Variants in CADM2 observed in about 807,000 individuals in gnomAD.
CADM2 encodes the protein immunoglobulin superfamily member 4D.
A neutral mutation model predicts 49.8 loss-of-function variants in CADM2; 12 were observed. The ratio of observed to expected loss-of-function variants is 0.24; its 90% CI spans 0.15 to 0.39. The LOEUF (loss-of-function observed/expected upper bound fraction) is 0.39. CADM2 is among the 10% of genes least tolerant of loss of function. The probability of loss-of-function intolerance (pLI) is 1.00; values close to 1 mark genes in which losing one functional copy is unlikely to be tolerated. For synonymous variants in CADM2, 214 were observed against 175.4 expected (o/e 1.22, Z -1.74); for missense variants, 378 against 492.3 (o/e 0.77, Z 2.20).
At chr3:85,484,363 G>A (rs1210106541) in intron 1 of CADM2, among the ~76,000 whole-genome samples, 1 of 151,882 alleles carries the variant, frequency 6.6e-6, no homozygotes, top group Non-Finnish European at 1.5e-5. Flanking sequence ...AGGCACAATA[G>A]GCATGAATTT....
chr3:85,943,406 T>C (rs2108561705), intron 7 of CADM2, among the ~76,000 whole-genome samples: 1 of 146,194 alleles, frequency 6.8e-6, no homozygotes, highest in East Asian at 2.0e-4. Flanking sequence ...ATGAAGTCCT[T>C]GCCCATGCCT....
chr3:85,267,508 A>C (rs2043147751), intron 1 of CADM2, among the ~76,000 whole-genome samples: 1 of 151,676 alleles, frequency 6.6e-6, no homozygotes, highest in African/African-American at 2.4e-5. Context: ...ATATTTATTT[A>C]GTTTTGGTCT....
chr3:85,002,342 T>A (rs73843260), intron 1 of CADM2, among the ~76,000 whole-genome samples: 2,991 of 152,226 alleles, frequency 0.02, 96 homozygotes, highest in African/African-American at 0.068. Context: ...TGCTGTGCAC[T>A]GTCACATGCA....
chr3:85,070,740 T>A (rs2036700594), intron 1 of CADM2, among the ~76,000 whole-genome samples: 1 of 151,968 alleles, frequency 6.6e-6, no homozygotes, highest in Admixed American at 6.6e-5. Flanking sequence ...CGCCTGTAAT[T>A]ACAGCACTTT....
intron 5 of CADM2, among the ~76,000 whole-genome samples, chr3:85,894,716 A>C (rs1041675757): frequency 6.6e-6 from 1 of 152,132 alleles, no homozygotes; most frequent in African/African-American, 2.4e-5. Context: ...CAGCCTCTGG[A>C]CATGTTGCCT....
intron 8 of CADM2, among the ~76,000 whole-genome samples, chr3:86,040,450 A>G: frequency 6.6e-6 from 1 of 152,238 alleles, no homozygotes; most frequent in Non-Finnish European, 1.5e-5. Context: ...AAGCCTCAGT[A>G]GCTGATTCGA....
chr3:86,009,092 A>G (rs1731153906), intron 8 of CADM2, among the ~76,000 whole-genome samples: 1 of 145,368 alleles, frequency 6.9e-6, no homozygotes. Context: ...TTGGTGTTAT[A>G]GTGTGTGTGT....
chr3:86,065,856 C>A, intron 9 of CADM2, 126 bp downstream of exon 9: 1 of 886,260 alleles, frequency 1.1e-6, no homozygotes, highest in Non-Finnish European at 1.6e-6. Flanking sequence ...GAGAGAAATG[C>A]TAAATTATTT....
At chr3:85,554,437 C>A (rs903180501) in intron 1 of CADM2, among the ~76,000 whole-genome samples, 7 of 152,106 alleles carry the variant, frequency 4.6e-5, no homozygotes, top group Admixed American at 3.3e-4. Flanking sequence ...CTGTTCTAGG[C>A]GTTCTTGGAT....
chr3:85,813,312 T>C (rs2073001839), intron 3 of CADM2, among the ~76,000 whole-genome samples: 1 of 152,176 alleles, frequency 6.6e-6, no homozygotes, highest in African/African-American at 2.4e-5. Context: ...GATGATAAGC[T>C]TTTTTTCATG....
At chr3:85,280,514 G>A (rs989371327) in intron 1 of CADM2, among the ~76,000 whole-genome samples, 2 of 151,576 alleles carry the variant, frequency 1.3e-5, no homozygotes, top group Admixed American at 1.3e-4. Context: ...TGACTATAAT[G>A]TGCCTTCATG....
intron 1 of CADM2, among the ~76,000 whole-genome samples, chr3:85,416,764 C>T (rs1378387771): frequency 1.3e-5 from 2 of 152,138 alleles, no homozygotes; most frequent in Non-Finnish European, 2.9e-5. Context: ...TATGTATACA[C>T]ATATGTATGA....
intron 3 of CADM2, among the ~76,000 whole-genome samples, chr3:85,870,794 G>C (rs2075899093): frequency 6.6e-6 from 1 of 152,094 alleles, no homozygotes; most frequent in African/African-American, 2.4e-5. Flanking sequence ...TTGAATGATA[G>C]TTCTGTTTTT....
chr3:86,007,415 G>A (rs549372695), intron 8 of CADM2, among the ~76,000 whole-genome samples: 2 of 152,226 alleles, frequency 1.3e-5, no homozygotes, highest in Admixed American at 6.5e-5. Flanking sequence ...GTTGCTTTTA[G>A]CACATTCTAA....
chr3:85,320,328 T>C (rs571366809), intron 1 of CADM2, among the ~76,000 whole-genome samples: 102 of 152,312 alleles, frequency 6.7e-4, no homozygotes, highest in African/African-American at 1.6e-3. Context: ...AAGTTTTTGT[T>C]TTCTCTGTTT....
chr3:85,445,918 G>C (rs1484535833), intron 1 of CADM2, among the ~76,000 whole-genome samples: 1 of 152,048 alleles, frequency 6.6e-6, no homozygotes, highest in East Asian at 1.9e-4. Flanking sequence ...TACTTTATTA[G>C]ACTGTATTGC....
At chr3:85,754,341 C>T (rs2069002333) in intron 2 of CADM2, among the ~76,000 whole-genome samples, 2 of 152,218 alleles carry the variant, frequency 1.3e-5, no homozygotes, top group East Asian at 1.9e-4. Flanking sequence ...CTGACCATCA[C>T]CTGATGGTTG....
Position 85,417,925 on chromosome 3 carries a change from G to A in CADM2, c.62-308597G>A, listed in dbSNP as rs538923355. 4.6e-5 allele frequency among the ~76,000 whole-genome samples: 7 copies of A among 152,196 alleles called. No individual in the cohort carries two copies. The South Asian group carries it at 1.5e-3, about 32-fold the overall frequency. On this transcript the variant is annotated intron_variant, in intron 1 of 9. Transcript: ENST00000383699. ...ATCTGAGATGCTGCAATTTTGACAAGCTTCTAGGAAGTATAAGTATCAATG... is the reference window on the plus strand; with the variant it reads ...ATCTGAGATGCTGCAATTTTGACAAACTTCTAGGAAGTATAAGTATCAATG...
At chr3:86,033,671 GTATA>G (rs34632130) in intron 8 of CADM2, among the ~76,000 whole-genome samples, 1 of 137,994 alleles carries the variant, frequency 7.2e-6, no homozygotes, top group Non-Finnish European at 1.6e-5. Flanking sequence ...TTATATATAT[GTATA>G]TATATATATA....
Sources: allele counts gnomAD v4.1 joint callset (sites outside exome capture counted in the v4.1 genomes callset), GRCh38; gene constraint gnomAD v4.1.1; transcripts MANE v1.5; gene names NCBI Gene and HGNC (gene_info 2026-07-23, HGNC 2026-07-21).